SEMA6D: variants seen among roughly 807,000 people sequenced by gnomAD.
SEMA6D encodes semaphorin-6D.
Under a neutral mutation model 106.6 loss-of-function variants are expected in SEMA6D, and 35 were observed. The ratio of observed to expected loss-of-function variants is 0.33; its 90% confidence interval spans 0.25 to 0.44. The LOEUF is 0.44. Among genes scored for constraint, SEMA6D ranks in the 20% least tolerant of loss-of-function variants. The probability of loss-of-function intolerance (pLI) is 1.00; values close to 1 mark genes in which losing one functional copy is unlikely to be tolerated. For missense variants in SEMA6D, 1,185 were observed against 1,345.9 expected (o/e 0.88, Z 1.87); for synonymous variants, 499 against 487.7 (o/e 1.02, Z -0.31).
chr15:47,634,507 C>T (rs1209182341), intron 4 of SEMA6D, among the ~76,000 whole-genome samples: 4 of 152,154 alleles, frequency 2.6e-5, no homozygotes, highest in African/African-American at 9.7e-5. Flanking sequence ...CTGAGTGTCA[C>T]CAGTATGTCT....
chr15:47,217,830 A>T (rs1410366812), intron 1 of SEMA6D, among the ~76,000 whole-genome samples: 1 of 150,642 alleles, frequency 6.6e-6, no homozygotes, highest in Non-Finnish European at 1.5e-5. Context: ...ACACAAATAC[A>T]TGCATATACA....
chr15:47,762,366 C>G lies in SEMA6D; in HGVS notation c.658+47C>G, dbSNP rs1205706988. ...GTGGGGTCACCAGGATAGTGGATGG[C>G]CCAAGTGGGGACAGCAGCCACGGCC... On this transcript the variant is annotated intron_variant, in intron 8 of 18. Coordinates refer to ENST00000536845, the MANE Select transcript of SEMA6D (RefSeq NM_001358351.3). The G allele has an allele frequency of 2.5e-6, 4 of 1,602,044 alleles. No homozygotes were observed. In the Admixed American group the frequency reaches 6.7e-5, roughly 27 times the overall value.
chr15:47,438,878 C>G (rs147799982), intron 2 of SEMA6D, among the ~76,000 whole-genome samples: 12 of 152,094 alleles, frequency 7.9e-5, no homozygotes, highest in African/African-American at 2.6e-4. Flanking sequence ...GGAACAGAAT[C>G]TGTCGCACAA....
intron 1 of SEMA6D, among the ~76,000 whole-genome samples, chr15:47,212,057 T>C (rs1198825051): frequency 6.6e-6 from 1 of 152,130 alleles, no homozygotes; most frequent in African/African-American, 2.4e-5. Flanking sequence ...CTTTCTGATA[T>C]TAACAATAAA....
chr15:47,311,374 A>G (rs1435424644), intron 1 of SEMA6D, among the ~76,000 whole-genome samples: 1 of 152,114 alleles, frequency 6.6e-6, no homozygotes, highest in Non-Finnish European at 1.5e-5. Flanking sequence ...TCATTTTAAT[A>G]CCCTTATTTG....
At chr15:47,768,418 T>C (rs1567114848) in intron 17 of SEMA6D, among the ~76,000 whole-genome samples, 163 bp from the exon 18 acceptor site, 1 of 152,122 alleles carries the variant, frequency 6.6e-6, no homozygotes, top group African/African-American at 2.4e-5. Context: ...ATTCTTCCCT[T>C]GAAAGGAAGG....
In SEMA6D at chr15:47,764,192, C is replaced by G; in HGVS notation, c.984C>G (p.Val328=). The change falls in exon 11 of 19, where the codon GTC becomes GTG. Residue 328 remains valine, a synonymous_variant. Coordinates refer to ENST00000536845, the MANE Select transcript of SEMA6D (RefSeq NM_001358351.3). ...TTTTCAGCATCCCTGGTTCTGCTGT[C>G]TGTGCATTTAGCATGGATGACATTG... is the stretch of plus-strand genomic sequence containing the variant. ...TQLNSIPGSA[V]CAFSMDDIEK... 1 of 1,613,670 alleles carries G rather than the reference C, an allele frequency of 6.2e-7. No individual in the cohort carries two copies. Among genetic ancestry groups the G allele is most frequent in the Non-Finnish European group, 8.5e-7 (1 of 1,179,764 alleles).
At chr15:47,187,129 A>G (rs1893632583) in intron 1 of SEMA6D, among the ~76,000 whole-genome samples, 1 of 152,202 alleles carries the variant, frequency 6.6e-6, no homozygotes, top group Non-Finnish European at 1.5e-5. Context: ...CTGAAGGAAG[A>G]TGGAAAGGGG....
intron 4 of SEMA6D, among the ~76,000 whole-genome samples, chr15:47,614,269 A>T (rs2076966476): frequency 6.6e-6 from 1 of 152,226 alleles, no homozygotes; most frequent in African/African-American, 2.4e-5. Flanking sequence ...GATGATCAAG[A>T]TTCGCAGTGT....
intron 3 of SEMA6D, among the ~76,000 whole-genome samples, chr15:47,599,324 C>T (rs574816559): frequency 7.0e-4 from 106 of 152,212 alleles, no homozygotes; most frequent in African/African-American, 2.3e-3. Flanking sequence ...GAGGTTGTTG[C>T]TCCTCTGTTT....
intron 1 of SEMA6D, among the ~76,000 whole-genome samples, chr15:47,250,404 A>G (rs887943778): frequency 1.3e-5 from 2 of 151,860 alleles, no homozygotes; most frequent in Non-Finnish European, 2.9e-5. Flanking sequence ...AAGAGAAAGA[A>G]AGAGAGAAAG....
chr15:47,504,074 T>C (rs1181962167), intron 3 of SEMA6D, among the ~76,000 whole-genome samples: 1 of 152,220 alleles, frequency 6.6e-6, no homozygotes, highest in Non-Finnish European at 1.5e-5. Context: ...TGAAGCCCTC[T>C]GCTCCTCCCT....
chr15:47,583,987 G>A (rs1002450264), intron 3 of SEMA6D, among the ~76,000 whole-genome samples: 1 of 152,080 alleles, frequency 6.6e-6, no homozygotes, highest in East Asian at 1.9e-4. Flanking sequence ...CTCACAGCAC[G>A]GATCCCATCT....
At chr15:47,360,969 C>G (rs1235335753) in intron 1 of SEMA6D, among the ~76,000 whole-genome samples, 2 of 152,204 alleles carry the variant, frequency 1.3e-5, no homozygotes, top group African/African-American at 4.8e-5. Flanking sequence ...TGGCTAATGG[C>G]CCCATGAACA....
chr15:47,443,712 G>A (rs1383875737), intron 2 of SEMA6D, among the ~76,000 whole-genome samples: 1 of 152,076 alleles, frequency 6.6e-6, no homozygotes, highest in Non-Finnish European at 1.5e-5. Flanking sequence ...AAATATCAAA[G>A]TAAGTGCAAA....
At chr15:47,304,789 C>T (rs983928252) in intron 1 of SEMA6D, among the ~76,000 whole-genome samples, 1 of 152,112 alleles carries the variant, frequency 6.6e-6, no homozygotes, top group African/African-American at 2.4e-5. Flanking sequence ...GCTACCACCT[C>T]ACATAGGCTG....
intron 3 of SEMA6D, among the ~76,000 whole-genome samples, chr15:47,505,562 T>C (rs2044011733): frequency 6.6e-6 from 1 of 152,162 alleles, no homozygotes; most frequent in South Asian, 2.1e-4. Context: ...ATGATTGTCA[T>C]TGAGGTTATC....
intron 1 of SEMA6D, among the ~76,000 whole-genome samples, chr15:47,343,710 T>G (rs2037925553): frequency 6.6e-6 from 1 of 152,198 alleles, no homozygotes; most frequent in Non-Finnish European, 1.5e-5. Context: ...AGTGCCGCAA[T>G]AAACATACGT....
chr15:47,214,346 G>GT (rs1383662603), intron 1 of SEMA6D, among the ~76,000 whole-genome samples: 2 of 152,110 alleles, frequency 1.3e-5, no homozygotes, highest in Non-Finnish European at 2.9e-5. Context: ...TTAGGACAAA[G>GT]TGGAAAAGCA....
Sources: gnomAD v4.1 joint callset for allele counts (sites outside exome capture counted in the v4.1 genomes callset) on GRCh38, gnomAD v4.1.1 for gene constraint, MANE v1.5 for transcripts, NCBI Gene and HGNC (gene_info 2026-07-23, HGNC 2026-07-21) for gene names.